The following KLF3 variants were observed in gnomAD, a reference collection of about 807,000 sequenced individuals.
KLF3 encodes KLF transcription factor 3, also known as Krueppel-like factor 3.
Under a neutral mutation model 32.7 loss-of-function variants are expected in KLF3, and 6 were observed. The observed-to-expected ratio is 0.18, with a 90% CI of 0.10 to 0.36. KLF3 has a LOEUF of 0.36. Ranked by LOEUF, KLF3 falls within the 10% of genes least tolerant of loss-of-function variation. The probability of loss-of-function intolerance (pLI) is 1.00; values close to 1 mark genes in which losing one functional copy is unlikely to be tolerated. For synonymous variants in KLF3, 145 were observed against 172.8 expected (o/e 0.84, Z 1.26); for missense variants, 338 against 449.7 (o/e 0.75, Z 2.25).
chr4:38,670,408 A>C (rs1274850766), intron 1 of KLF3, among the ~76,000 whole-genome samples: 1 of 152,218 alleles, frequency 6.6e-6, no homozygotes, highest in Admixed American at 6.5e-5. Flanking sequence ...AAATCTGGAC[A>C]TAAGAGATCA....
chr4:38,697,034 C>G, intron 5 of KLF3, 48 bp from the exon 6 acceptor site: 7 of 1,471,922 alleles, frequency 4.8e-6, no homozygotes, highest in Non-Finnish European at 6.4e-6. Flanking sequence ...AAGATCTTTA[C>G]TACCTTTACA....
intron 4 of KLF3, 66 bp downstream of exon 4, chr4:38,689,945 C>T: frequency 6.8e-7 from 1 of 1,479,656 alleles, no homozygotes; most frequent in Non-Finnish European, 9.2e-7. Flanking sequence ...GGAGCAGAAG[C>T]ACAAGATTTC....
chr4:38,669,102 G>T (rs1414964043), intron 1 of KLF3, among the ~76,000 whole-genome samples: 4 of 151,822 alleles, frequency 2.6e-5, no homozygotes, highest in Non-Finnish European at 5.9e-5. Flanking sequence ...TTCACACCCA[G>T]TTGAGTTTAA....
chr4:38,699,223 GC>G lies in KLF3; in HGVS notation c.*1961del, dbSNP rs1723135779. 1 of 151,976 alleles carries G rather than the reference GC, an allele frequency of 6.6e-6. No individual in the cohort carries two copies. Among genetic ancestry groups the G allele is most frequent in the Non-Finnish European group, 1.5e-5 (1 of 68,000 alleles). The allele number at this position is 151,976 out of a possible 1,614,324, so 9.4% of individuals were successfully genotyped here. A position where few individuals can be genotyped will look rare whatever the true frequency, so the allele number is the denominator to read the frequency against. On this transcript the variant is annotated 3_prime_UTR_variant, in exon 6 of 6. Coordinates refer to ENST00000261438, the MANE Select transcript of KLF3 (RefSeq NM_016531.6). Reference sequence around the variant, plus strand: ...TAGGATACTAAAACATCCTAATTGGGCTGTTTTTTTGTTTTGTTTTGTTTTT... The same window carrying G: ...TAGGATACTAAAACATCCTAATTGGGTGTTTTTTTGTTTTGTTTTGTTTTT...
At chr4:38,693,107 CAT>C (rs1427819967) in intron 4 of KLF3, among the ~76,000 whole-genome samples, 4 of 41,278 alleles carry the variant, frequency 9.7e-5, no homozygotes, top group African/African-American at 2.8e-4. Context: ...TATATATGTA[CAT>C]ATATATACAT....
In KLF3 at chr4:38,688,930, G is replaced by A. The variant is rs919273371; in HGVS notation, c.403G>A (p.Gly135Arg). The A allele has an allele frequency of 9.9e-6, 16 of 1,614,252 alleles. No individual in the cohort carries two copies. The highest frequency in any genetic ancestry group is 1.7e-5 in the Admixed American group (1 of 60,034). Residue 135 changes from glycine (G) to arginine (R), a missense_variant, in exon 3 of 6, where the codon GGA becomes AGA. By Grantham distance (125) the Gly-to-Arg change is moderately radical (BLOSUM62 -2). Coordinates refer to ENST00000261438, the MANE Select transcript of KLF3 (RefSeq NM_016531.6). This position sits in a 1 kb window ranked among gnomAD's most constrained non-coding sequence, Gnocchi z 4.9. ...PVMAAALSRH[G>R]IRSPGILPVI... ...GATGGCAGCTGCCCTCTCGCGGCAT[G>A]GAATACGGAGCCCGGGGATCCTGCC...
Position 38,694,702 on chromosome 4 carries a change from A to ATCC in KLF3, c.696-44_696-43insTCC, listed in dbSNP as rs781341907. ...CTTTTAGTAGACTGATGAAAAAGGA[A>ATCC]GAGCGTGCTCTCAACATTTGGCCTG... On this transcript the variant is annotated intron_variant, in intron 4 of 5. Transcript: ENST00000261438. 5.4e-6 allele frequency: 8 copies of ATCC among 1,491,622 alleles called. No individual in the cohort carries two copies. The Admixed American group carries it at 1.3e-4, about 23-fold the overall frequency. 92.4% of individuals were successfully genotyped at this position (1,491,622 alleles called of 1,614,324 possible). A position where few individuals can be genotyped will look rare whatever the true frequency, so the allele number is the denominator to read the frequency against.
intron 1 of KLF3, among the ~76,000 whole-genome samples, chr4:38,675,804 G>GT (rs2109241605): frequency 6.6e-6 from 1 of 152,264 alleles, no homozygotes; most frequent in Non-Finnish European, 1.5e-5. Context: ...TTTCAGAATG[G>GT]TAATAACCCC....
intron 1 of KLF3, among the ~76,000 whole-genome samples, chr4:38,667,151 AC>A (rs1373131219): frequency 6.6e-6 from 1 of 151,912 alleles, no homozygotes; most frequent in Non-Finnish European, 1.5e-5. Flanking sequence ...AAACACCTCC[AC>A]CCCCCTGTTG....
chr4:38,665,752 G>A (rs1722014608), intron 1 of KLF3, among the ~76,000 whole-genome samples: 1 of 152,176 alleles, frequency 6.6e-6, no homozygotes, highest in Non-Finnish European at 1.5e-5. Flanking sequence ...TGGGGAATAG[G>A]CCAGTTGTTC....
intron 1 of KLF3, among the ~76,000 whole-genome samples, chr4:38,676,720 G>T (rs1036563033): frequency 2.6e-5 from 4 of 151,920 alleles, no homozygotes; most frequent in Non-Finnish European, 5.9e-5. Flanking sequence ...TGTGATATTT[G>T]AATTTTGCAC....
rs1293390289 is a variant in KLF3 at position 38,674,142 on chromosome 4, A to C, written c.-39-6445A>C. 6.6e-6 allele frequency among the ~76,000 whole-genome samples: 1 copy of C among 152,222 alleles called. No individual in the cohort carries two copies. Among genetic ancestry groups the C allele is most frequent in the East Asian group, 1.9e-4 (1 of 5,200 alleles). Reference sequence around the variant, plus strand: ...CAGGTGAAAATCACAGAGTGGCATGAAAATTTCCAAGAATGTCTAGGTAGG... The same window carrying C: ...CAGGTGAAAATCACAGAGTGGCATGCAAATTTCCAAGAATGTCTAGGTAGG... On this transcript the variant is annotated intron_variant, in intron 1 of 5. Coordinates refer to ENST00000261438, the MANE Select transcript of KLF3 (RefSeq NM_016531.6). The surrounding 1 kb of genome is among the most constrained non-coding windows in gnomAD (Gnocchi z 4.1).
At chr4:38,693,447 G>A (rs1337313130) in intron 4 of KLF3, among the ~76,000 whole-genome samples, 3 of 151,608 alleles carry the variant, frequency 2.0e-5, no homozygotes, top group African/African-American at 4.8e-5. Flanking sequence ...TGATTGACAA[G>A]GGATGTGTAT....
chr4:38,689,171 C>G (rs1722799183), intron 3 of KLF3, 100 bp downstream of exon 3: 1 of 1,436,358 alleles, frequency 7.0e-7, no homozygotes, highest in African/African-American at 1.4e-5. Flanking sequence ...AGCTGTTGAA[C>G]TCTTCAAAGG....
In KLF3 at chr4:38,688,390, G is replaced by A. The variant is rs1188703176; in HGVS notation, c.58-195G>A. ...TCTTAGTTTTAATATTTTTGAGACC[G>A]CCTCTCATAGCATTTTTAATGTTGA... On this transcript the variant is annotated intron_variant, in intron 2 of 5. Transcript: ENST00000261438. This position sits in a 1 kb window ranked among gnomAD's most constrained non-coding sequence, Gnocchi z 4.9. 1.3e-5 allele frequency among the ~76,000 whole-genome samples: 2 copies of A among 152,046 alleles called. No individual in the cohort carries two copies. The highest frequency in any genetic ancestry group is 6.6e-5 in the Admixed American group (1 of 15,266).
At position 38,699,820 on chromosome 4, in the gene KLF3, A is replaced by G. The variant is rs1037311694; in HGVS notation, c.*2557A>G. The G allele has an allele frequency of 6.6e-6, 1 of 152,060 alleles. No individual in the cohort carries two copies. Among genetic ancestry groups the G allele is most frequent in the African/African-American group, 2.4e-5 (1 of 41,378 alleles). The allele number at this position is 152,060 out of a possible 1,614,324, so 9.4% of individuals were successfully genotyped here. A position where few individuals can be genotyped will look rare whatever the true frequency, so the allele number is the denominator to read the frequency against. ...TTGGCCCTTACCAAACTTTTCTTAT[A>G]TATATATTTGTATTTTACTATGATA... is the stretch of plus-strand genomic sequence containing the variant. On this transcript the variant is annotated 3_prime_UTR_variant, in exon 6 of 6. Coordinates refer to ENST00000261438, the MANE Select transcript of KLF3 (RefSeq NM_016531.6).
rs1336488744 is a variant in KLF3, at chr4:38,698,843, A to AATGATGAAGGGG, written c.*1581_*1582insTGATGAAGGGGA. 2.0e-5 allele frequency: 3 copies of AATGATGAAGGGG among 152,256 alleles called. No individual in the cohort carries two copies. Among genetic ancestry groups the AATGATGAAGGGG allele is most frequent in the East Asian group, 3.8e-4 (2 of 5,206 alleles). The allele number at this position is 152,256 out of a possible 1,614,324, so 9.4% of individuals were successfully genotyped here. On this transcript the variant is annotated 3_prime_UTR_variant, in exon 6 of 6. Coordinates refer to ENST00000261438, the MANE Select transcript of KLF3 (RefSeq NM_016531.6). ...TAGTTAAATGTGGGTGCATATAACC[A>AATGATGAAGGGG]AATTCCCCTTCATCAAGAATGGAGG...
rs1723190237 is a variant in KLF3, at chr4:38,701,488, A to G, written c.*4225A>G. Among the ~76,000 whole-genome samples the G allele has an allele frequency of 6.6e-6, 1 of 152,256 alleles. No homozygotes were observed. Among genetic ancestry groups the G allele is most frequent in the Non-Finnish European group, 1.5e-5 (1 of 68,042 alleles). Reference sequence around the variant, plus strand: ...GGAACGAGGAACAGAACAATAACGCATTAAAGTAAATAACTCTGGATAAAA... The same window carrying G: ...GGAACGAGGAACAGAACAATAACGCGTTAAAGTAAATAACTCTGGATAAAA... On this transcript the variant is annotated 3_prime_UTR_variant, in exon 6 of 6. Coordinates refer to ENST00000261438, the MANE Select transcript of KLF3 (RefSeq NM_016531.6).
At chr4:38,675,827 C>T (rs1010464615) in intron 1 of KLF3, among the ~76,000 whole-genome samples, 1 of 152,168 alleles carries the variant, frequency 6.6e-6, no homozygotes, top group Non-Finnish European at 1.5e-5. Flanking sequence ...TGCACTGAGC[C>T]GCCCATGGGT....
Sources: allele counts gnomAD v4.1 joint callset (sites outside exome capture counted in the v4.1 genomes callset), GRCh38; gene constraint gnomAD v4.1.1; non-coding constraint Gnocchi (gnomAD v3.1); transcripts MANE v1.5; gene names NCBI Gene and HGNC (gene_info 2026-07-23, HGNC 2026-07-21).